Variants in TXNRD3 observed in about 807,000 individuals in gnomAD.
TXNRD3 encodes the protein thioredoxin reductase 3, also known as TXNRD3 neighbor gene protein.
In TXNRD3, 68 loss-of-function variants were observed where a neutral mutation model predicts 78.2. The observed-to-expected ratio is 0.87, with a 90% CI of 0.72 to 1.06. The LOEUF (loss-of-function observed/expected upper bound fraction) is 1.06, where lower values mean the gene tolerates loss of function less well. Ranked by LOEUF, TXNRD3 falls within the 50% of genes least tolerant of loss-of-function variation. TXNRD3 has a pLI of 0.00. For missense variants in TXNRD3, 751 were observed against 809.5 expected (o/e 0.93, Z 0.88); for synonymous variants, 296 against 300.1 (o/e 0.99, Z 0.14).
At chr3:126,646,251 A>G in intron 2 of TXNRD3, 31 bp from the exon 3 acceptor site, 9 of 1,465,834 alleles carry the variant, frequency 6.1e-6, no homozygotes, top group East Asian at 2.5e-5. Flanking sequence ...ATATAAAAAC[A>G]CTGAAAAGAG....
intron 3 of TXNRD3, among the ~76,000 whole-genome samples, chr3:126,644,897 AT>A (rs1307876689): frequency 6.6e-6 from 1 of 151,910 alleles, no homozygotes; most frequent in Admixed American, 6.5e-5. Flanking sequence ...AACATCTCCC[AT>A]TTTCTTTCAG....
chr3:126,614,787 T>G (rs1938275410), intron 13 of TXNRD3, among the ~76,000 whole-genome samples: 1 of 152,214 alleles, frequency 6.6e-6, no homozygotes. Flanking sequence ...ACTTGAAATA[T>G]CAAGTATTAA....
chr3:126,631,791 T>C lies in TXNRD3; in HGVS notation c.944A>G (p.Gln315Arg). Residue 315 changes from glutamine to arginine, a missense_variant, in exon 8 of 16, where the codon CAA (glutamine) becomes CGA (arginine). Coordinates refer to ENST00000524230, the MANE Select transcript of TXNRD3 (RefSeq NM_052883.3). ...AGTAATACAGTATTCTTTATCTCCT[T>C]GGATTCCTAAATACCGTGGCCTTTC... is the stretch of plus-strand genomic sequence containing the variant. 2.0e-6 allele frequency: 3 copies of C among 1,535,398 alleles called. No homozygotes were observed. Among genetic ancestry groups the C allele is most frequent in the South Asian group, 1.2e-5 (1 of 84,040 alleles).
chr3:126,655,088 C>A lies in TXNRD3; in HGVS notation c.-98G>T. The stretch of plus-strand genomic sequence containing the variant: ...GGGGCCTGAGGGGCGGCGAACGCTG[C>A]CCTCGCTGGCCACTCTCACCACCCG... On this transcript the variant is annotated 5_prime_UTR_variant, in exon 1 of 16. Transcript: ENST00000524230. 7.7e-7 allele frequency: 1 copy of A among 1,298,688 alleles called. No homozygotes were observed. The highest frequency in any genetic ancestry group is 9.8e-7 in the Non-Finnish European group (1 of 1,023,240). The allele number at this position is 1,298,688 out of a possible 1,614,324, so 80.4% of individuals were successfully genotyped here. A position where few individuals can be genotyped will look rare whatever the true frequency, so the allele number is the denominator to read the frequency against.
At chr3:126,646,339 GT>G (rs1208629540) in intron 2 of TXNRD3, 119 bp from the exon 3 acceptor site, 6 of 646,572 alleles carry the variant, frequency 9.3e-6, no homozygotes, top group Non-Finnish European at 1.2e-5. Context: ...AGGTCAGTGT[GT>G]TATATAACTT....
chr3:126,636,484 G>A (rs149522158), intron 6 of TXNRD3, among the ~76,000 whole-genome samples: 45 of 152,264 alleles, frequency 3.0e-4, no homozygotes, highest in Non-Finnish European at 4.4e-4. Context: ...ACCATGTGAA[G>A]AAGTATCTGT....
chr3:126,609,174 A>T (rs1938133602), intron 14 of TXNRD3: 1 of 445,822 alleles, frequency 2.2e-6, no homozygotes, highest in African/African-American at 2.0e-5. Flanking sequence ...GTCGTTTTCC[A>T]CGGTAACGGT....
chr3:126,623,691 G>A (rs1030087949), intron 10 of TXNRD3, among the ~76,000 whole-genome samples: 3 of 151,816 alleles, frequency 2.0e-5, no homozygotes, highest in Non-Finnish European at 2.9e-5. Context: ...GACAATTTTC[G>A]TCACCAGATA....
At position 126,630,700 on chromosome 3, in the gene TXNRD3, A is replaced by T; in HGVS notation, c.1197+12T>A. 6.5e-7 allele frequency: 1 copy of T among 1,533,788 alleles called. No individual in the cohort carries two copies. The highest frequency in any genetic ancestry group is 8.7e-7 in the Non-Finnish European group (1 of 1,146,550). ...TTAGAGAAAAAAAATTGCAAATGCC[A>T]TGCAGCCTTACCATCACAGGTATGA... is the stretch of plus-strand genomic sequence containing the variant. On this transcript the variant is annotated intron_variant, in intron 9 of 15. Transcript: ENST00000524230.
intron 6 of TXNRD3, among the ~76,000 whole-genome samples, chr3:126,640,254 G>A (rs1395204965): frequency 5.8e-4 from 26 of 44,916 alleles, no homozygotes; most frequent in South Asian, 2.7e-3. Context: ...ACAGGCGCCC[G>A]CCACTACGCC....
At position 126,643,831 on chromosome 3, in the gene TXNRD3, C is replaced by G. The variant is rs756845589; in HGVS notation, c.592+150G>C. 7.9e-6 allele frequency: 5 copies of G among 634,092 alleles called. No individual in the cohort carries two copies. In the South Asian group the frequency reaches 1.9e-4, roughly 24 times the overall value. The allele number at this position is 634,092 out of a possible 1,614,324, so 39.3% of individuals were successfully genotyped here. A position where few individuals can be genotyped will look rare whatever the true frequency, so the allele number is the denominator to read the frequency against. On this transcript the variant is annotated intron_variant, in intron 5 of 15. Transcript: ENST00000524230. ...AAAGTGCTGGGATTTCAGGCATGAGCCTCTGGGCCAGGCCTAGACTCGCTT... is the reference window on the plus strand; with the variant it reads ...AAAGTGCTGGGATTTCAGGCATGAGGCTCTGGGCCAGGCCTAGACTCGCTT...
chr3:126,645,927 G>T (rs576322016), intron 3 of TXNRD3, among the ~76,000 whole-genome samples, 184 bp downstream of exon 3: 1 of 152,300 alleles, frequency 6.6e-6, no homozygotes, highest in Admixed American at 6.5e-5. Context: ...AGCTTCTGAA[G>T]TTCAGGCTGG....
At chr3:126,630,475 C>T (rs1012421050) in intron 9 of TXNRD3, among the ~76,000 whole-genome samples, 1 of 152,050 alleles carries the variant, frequency 6.6e-6, no homozygotes, top group Non-Finnish European at 1.5e-5. Context: ...ATGGAACATC[C>T]TTGAAAAGGT....
At chr3:126,651,638 T>C (rs1029249912) in intron 1 of TXNRD3, among the ~76,000 whole-genome samples, 7 of 152,114 alleles carry the variant, frequency 4.6e-5, no homozygotes, top group African/African-American at 1.7e-4. Flanking sequence ...AGGACAACTC[T>C]TAAGAAATAT....
chr3:126,631,866 T>C lies in TXNRD3; in HGVS notation c.869A>G (p.Lys290Arg). 6.5e-7 allele frequency: 1 copy of C among 1,535,894 alleles called. No homozygotes were observed. The highest frequency in any genetic ancestry group is 1.2e-5 in the South Asian group (1 of 84,042). ...AGCAGTATAATAAGTCTCCTGTCCT[T>C]TTTTATTGGTTGCCTTGAAAAAAGA... is the stretch of plus-strand genomic sequence containing the variant. Residue 290 changes from lysine (K) to arginine (R), a missense_variant, in exon 8 of 16, where the codon AAA (lysine) becomes AGA (arginine). By Grantham distance (26) the Lys-to-Arg change is conservative (BLOSUM62 2). Coordinates refer to ENST00000524230, the MANE Select transcript of TXNRD3 (RefSeq NM_052883.3).
intron 9 of TXNRD3, among the ~76,000 whole-genome samples, chr3:126,630,079 G>A (rs1210596103): frequency 6.6e-6 from 1 of 152,254 alleles, no homozygotes; most frequent in Non-Finnish European, 1.5e-5. Flanking sequence ...TTGAGTAGCT[G>A]TAGATGGGAA....
chr3:126,653,681 A>G (rs143205121), intron 1 of TXNRD3, among the ~76,000 whole-genome samples: 24 of 152,386 alleles, frequency 1.6e-4, no homozygotes, highest in East Asian at 5.8e-4. Flanking sequence ...TTTATGACCC[A>G]GCAACTCAGC....
chr3:126,644,330 G>C lies in TXNRD3; in HGVS notation c.486C>G (p.Ile162Met). 1.3e-6 allele frequency: 2 copies of C among 1,536,398 alleles called. No individual in the cohort carries two copies. Among genetic ancestry groups the C allele is most frequent in the South Asian group, 2.4e-5 (2 of 84,050 alleles). ...ATGAAAGGCCTCCAGAACCACCACC[G>C]ATGATGATGAGATCATAATCATATG... Residue 162 changes from isoleucine (I) to methionine (M), a missense_variant, in exon 4 of 16, where the codon ATC (isoleucine) becomes ATG (methionine). Coordinates refer to ENST00000524230, the MANE Select transcript of TXNRD3 (RefSeq NM_052883.3).
chr3:126,644,475 C>A, intron 3 of TXNRD3, 74 bp from the exon 4 acceptor site: 2 of 953,980 alleles, frequency 2.1e-6, no homozygotes, highest in South Asian at 3.3e-5. Context: ...ACCCTATGTT[C>A]AACTGGTATG....
Sources: gnomAD v4.1 joint callset for allele counts (sites outside exome capture counted in the v4.1 genomes callset) on GRCh38, gnomAD v4.1.1 for gene constraint, MANE v1.5 for transcripts, NCBI Gene and HGNC (gene_info 2026-07-23, HGNC 2026-07-21) for gene names.